PAX7: variants seen among roughly 807,000 people sequenced by gnomAD.
PAX7 encodes paired box 7.
PAX7 carries 18 observed loss-of-function variants against 50.7 expected under a neutral mutation model. That is an observed-to-expected ratio of 0.36 (90% CI 0.25 to 0.53). PAX7 has a LOEUF of 0.53. Ranked by LOEUF, PAX7 falls within the 20% of genes least tolerant of loss-of-function variation. PAX7 has a pLI of 0.93. For missense variants in PAX7, 644 were observed against 702.9 expected (o/e 0.92, Z 0.95); for synonymous variants, 310 against 290.4 (o/e 1.07, Z -0.69).
chr1:18,677,377 C>A (rs1207208049), intron 4 of PAX7, among the ~76,000 whole-genome samples: 1 of 152,170 alleles, frequency 6.6e-6, no homozygotes, highest in Non-Finnish European at 1.5e-5. Flanking sequence ...ACAGCAGACC[C>A]ATCTTTCGGA....
Position 18,703,172 on chromosome 1 carries a change from C to CAGCCGCCGA in PAX7, c.1032_1040dup (p.Ala346_Asp347insGluAlaAla). The CAGCCGCCGA allele has an allele frequency of 6.2e-7, 1 of 1,612,076 alleles. No individual in the cohort carries two copies. Among genetic ancestry groups the CAGCCGCCGA allele is most frequent in the Admixed American group, 1.7e-5 (1 of 60,008 alleles). On this transcript the variant is annotated inframe_insertion, in exon 7 of 9. Transcript: ENST00000420770. Reference sequence around the variant, plus strand: ...CAGGGCGGGCTGGCTGCAGCGGCTGCAGCCGCCGACACCAGCTCTGCCTAC... The same window carrying CAGCCGCCGA: ...CAGGGCGGGCTGGCTGCAGCGGCTGCAGCCGCCGAAGCCGCCGACACCAGCTCTGCCTAC...
intron 4 of PAX7, among the ~76,000 whole-genome samples, chr1:18,655,770 G>GGTGTGTGTGTGTGTGTGT (rs549280757): frequency 7.7e-5 from 11 of 143,562 alleles, no homozygotes; most frequent in East Asian, 2.1e-4. Flanking sequence ...ACTTGGAGAG[G>GGTGTGTGTGTGTGTGTGT]GTGTGTGTGT....
intron 4 of PAX7, among the ~76,000 whole-genome samples, chr1:18,641,414 G>T (rs1387352163): frequency 1.3e-5 from 2 of 152,104 alleles, no homozygotes; most frequent in African/African-American, 2.4e-5. Context: ...GCCAAGAGGG[G>T]CTCCCCAGGG....
intron 6 of PAX7, among the ~76,000 whole-genome samples, chr1:18,701,053 T>C (rs2089212644): frequency 6.6e-6 from 1 of 152,134 alleles, no homozygotes; most frequent in South Asian, 2.1e-4. Context: ...GCTTCTCAAA[T>C]GGTACCAGGG....
chr1:18,743,189 C>G (rs1931242845), intron 8 of PAX7, among the ~76,000 whole-genome samples: 1 of 152,236 alleles, frequency 6.6e-6, no homozygotes, highest in Non-Finnish European at 1.5e-5. Flanking sequence ...CATAACAGCT[C>G]CTCAGATAGC....
chr1:18,708,965 C>G (rs1352292979), intron 7 of PAX7, among the ~76,000 whole-genome samples: 2 of 152,156 alleles, frequency 1.3e-5, no homozygotes, highest in Admixed American at 6.5e-5. Flanking sequence ...AGCAAAGAAC[C>G]AGGAGAAAAG....
At chr1:18,694,957 T>G (rs1481592502) in intron 5 of PAX7, among the ~76,000 whole-genome samples, 2 of 152,194 alleles carry the variant, frequency 1.3e-5, no homozygotes, top group Non-Finnish European at 2.9e-5. Context: ...TTGTATGGCT[T>G]CATACATTTT....
intron 8 of PAX7, among the ~76,000 whole-genome samples, chr1:18,740,296 T>G (rs1010277961): frequency 3.3e-5 from 5 of 152,204 alleles, no homozygotes; most frequent in Non-Finnish European, 7.3e-5. Flanking sequence ...TCCTGGTGTT[T>G]CCTTGGCTAC....
At chr1:18,647,810 T>A (rs1283097867) in intron 4 of PAX7, among the ~76,000 whole-genome samples, 1 of 152,038 alleles carries the variant, frequency 6.6e-6, no homozygotes, top group Non-Finnish European at 1.5e-5. Flanking sequence ...GGGCTGTGAA[T>A]CCATAAGTGA....
At chr1:18,719,669 C>G (rs2089470069) in intron 7 of PAX7, among the ~76,000 whole-genome samples, 2 of 152,244 alleles carry the variant, frequency 1.3e-5, no homozygotes, top group Non-Finnish European at 2.9e-5. Context: ...CCCTTCCCTT[C>G]TTGGGCATAG....
rs995699311 is a variant in PAX7, at chr1:18,700,911, C to A, written c.952+93C>A. ...CAAAGGCTCTTCTTTTTTTTATGAC[C>A]ATTTCTTACTTTCATGTAAGCAGGC... is the stretch of plus-strand genomic sequence containing the variant. On this transcript the variant is annotated intron_variant, in intron 6 of 8. Coordinates refer to ENST00000420770, the MANE Select transcript of PAX7 (RefSeq NM_001135254.2). This position sits in a 1 kb window ranked among gnomAD's most constrained non-coding sequence, Gnocchi z 4.8. 2 of 1,177,960 alleles carry A rather than the reference C, an allele frequency of 1.7e-6. No homozygotes were observed. Among genetic ancestry groups the A allele is most frequent in the East Asian group, 3.2e-5 (1 of 31,602 alleles). The allele number at this position is 1,177,960 out of a possible 1,614,324, so 73.0% of individuals were successfully genotyped here.
chr1:18,674,959 A>G (rs1263126549), intron 4 of PAX7, among the ~76,000 whole-genome samples: 1 of 152,154 alleles, frequency 6.6e-6, no homozygotes, highest in Admixed American at 6.5e-5. Flanking sequence ...GGTGATTCTG[A>G]TGCTGCTAAC....
chr1:18,654,055 C>T (rs12093860), intron 4 of PAX7, among the ~76,000 whole-genome samples: 7,961 of 152,088 alleles, frequency 0.052, 405 homozygotes, highest in African/African-American at 0.13. Context: ...AGATGAACGC[C>T]GCCCGCAGCT....
chr1:18,676,226 A>G (rs2088819530), intron 4 of PAX7, among the ~76,000 whole-genome samples: 1 of 151,954 alleles, frequency 6.6e-6, no homozygotes, highest in Admixed American at 6.6e-5. Flanking sequence ...TCCTCAAACA[A>G]TGGCAATAAA....
chr1:18,683,934 T>A (rs1280661844), intron 4 of PAX7, among the ~76,000 whole-genome samples: 1 of 152,132 alleles, frequency 6.6e-6, no homozygotes, highest in Admixed American at 6.5e-5. Context: ...ACATAGCACG[T>A]CTGTGATTGT....
At chr1:18,709,219 C>T (rs1231117371) in intron 7 of PAX7, among the ~76,000 whole-genome samples, 1 of 152,164 alleles carries the variant, frequency 6.6e-6, no homozygotes, top group African/African-American at 2.4e-5. Context: ...GGGTTAGCGG[C>T]ATCCTTGGCT....
intron 4 of PAX7, among the ~76,000 whole-genome samples, chr1:18,650,473 A>G (rs770431689): frequency 1.3e-5 from 2 of 152,182 alleles, no homozygotes; most frequent in Non-Finnish European, 2.9e-5. Flanking sequence ...GATTCAATGC[A>G]GCCTGTGGGG....
At chr1:18,673,259 C>G (rs1244192499) in intron 4 of PAX7, among the ~76,000 whole-genome samples, 1 of 152,212 alleles carries the variant, frequency 6.6e-6, no homozygotes, top group Non-Finnish European at 1.5e-5. Flanking sequence ...ATTACGCATG[C>G]AAAGCTTAGT....
chr1:18,736,230 T>G (rs1038024392), intron 8 of PAX7: 12 of 520,634 alleles, frequency 2.3e-5, no homozygotes, highest in African/African-American at 1.9e-4. Flanking sequence ...TTTGGAAGGC[T>G]GAGGCAAACG....
Sources: gnomAD v4.1 joint callset for allele counts (sites outside exome capture counted in the v4.1 genomes callset) on GRCh38, gnomAD v4.1.1 for gene constraint, Gnocchi (gnomAD v3.1) non-coding constraint, MANE v1.5 for transcripts, NCBI Gene and HGNC (gene_info 2026-07-23, HGNC 2026-07-21) for gene names.